The following PCDH15 variants were observed in gnomAD, a reference collection of about 807,000 sequenced individuals.
The protein encoded by PCDH15 is protocadherin-15.
Under a neutral mutation model 178.5 loss-of-function variants are expected in PCDH15, and 129 were observed. The ratio of observed to expected loss-of-function variants is 0.72; its 90% confidence interval spans 0.63 to 0.84. The LOEUF (loss-of-function observed/expected upper bound fraction) is 0.84, where lower values mean the gene tolerates loss of function less well. Among genes scored for constraint, PCDH15 ranks in the 40% least tolerant of loss-of-function variants. PCDH15 has a pLI of 0.00. For synonymous variants in PCDH15, 800 were observed against 732.0 expected, an observed-to-expected ratio of 1.09 and a Z score of -1.50; for missense variants, 2,230 against 2,099.9, an observed-to-expected ratio of 1.06 and a Z score of -1.21.
chr10:54,144,821 C>T (rs1196215523), intron 14 of PCDH15, among the ~76,000 whole-genome samples: 1 of 152,096 alleles, frequency 6.6e-6, no homozygotes, highest in African/African-American at 2.4e-5. Flanking sequence ...GATTTGCTGA[C>T]TGAATCAAGA....
At chr10:55,248,660 G>T (rs1195091143) in intron 1 of PCDH15, among the ~76,000 whole-genome samples, 1 of 152,070 alleles carries the variant, frequency 6.6e-6, no homozygotes, top group Non-Finnish European at 1.5e-5. Flanking sequence ...TAGTTCTAGT[G>T]ATTCTTGTGA....
chr10:54,731,409 A>G (rs1332036423), intron 1 of PCDH15, among the ~76,000 whole-genome samples: 2 of 150,326 alleles, frequency 1.3e-5, no homozygotes, highest in East Asian at 2.0e-4. Flanking sequence ...CATTTCCACT[A>G]TTAGGTATAC....
chr10:54,282,260 G>A (rs2058745530), intron 8 of PCDH15, among the ~76,000 whole-genome samples: 1 of 152,052 alleles, frequency 6.6e-6, no homozygotes, highest in Admixed American at 6.6e-5. Flanking sequence ...AACAATCACT[G>A]TTTTAGTAGG....
chr10:55,558,525 T>A (rs1842133996), intron 2 of PCDH15, among the ~76,000 whole-genome samples: 1 of 152,148 alleles, frequency 6.6e-6, no homozygotes, highest in East Asian at 1.9e-4. Flanking sequence ...AAAGTAATTC[T>A]CAGGGAATTG....
chr10:54,556,704 A>G (rs1231227961), intron 2 of PCDH15, among the ~76,000 whole-genome samples: 2 of 150,050 alleles, frequency 1.3e-5, no homozygotes, highest in African/African-American at 2.4e-5. Flanking sequence ...GTAAAGGAAT[A>G]AAGAATGGCC....
chr10:54,685,024 T>A (rs72794515), intron 1 of PCDH15, among the ~76,000 whole-genome samples: 1,835 of 151,988 alleles, frequency 0.012, 32 homozygotes, highest in Admixed American at 0.04. Flanking sequence ...CCTTTTTCTA[T>A]TTTAAAAATT....
At chr10:55,441,102 G>A (rs1033166697) in intron 2 of PCDH15, among the ~76,000 whole-genome samples, 5 of 152,128 alleles carry the variant, frequency 3.3e-5, no homozygotes, top group Non-Finnish European at 4.4e-5. Flanking sequence ...ATTACTCTAA[G>A]AATGTAATTC....
chr10:54,022,753 TA>T, intron 19 of PCDH15, 138 bp downstream of exon 19: 1 of 870,358 alleles, frequency 1.1e-6, no homozygotes, highest in Non-Finnish European at 1.8e-6. Context: ...GGAGAAATAA[TA>T]AAAATTTATT....
rs1177103406 is a variant in PCDH15, at chr10:53,806,474, T to C, written c.*105A>G. ...GCATATTGTTCAAAGTTTTAGCTTG[T>C]GTGCATGATATAAATTCCATACATT... On this transcript the variant is annotated 3_prime_UTR_variant, in exon 38 of 38. Coordinates refer to ENST00000644397, the MANE Select transcript of PCDH15 (RefSeq NM_001384140.1). The C allele has an allele frequency of 2.1e-6, 2 of 962,854 alleles. No individual in the cohort carries two copies. Among genetic ancestry groups the C allele is most frequent in the Non-Finnish European group, 3.0e-6 (2 of 661,274 alleles). The allele number at this position is 962,854 out of a possible 1,614,324, so 59.6% of individuals were successfully genotyped here. A position where few individuals can be genotyped will look rare whatever the true frequency, so the allele number is the denominator to read the frequency against.
intron 26 of PCDH15, among the ~76,000 whole-genome samples, chr10:53,884,700 C>G (rs558698127): frequency 6.6e-6 from 1 of 152,260 alleles, no homozygotes; most frequent in Non-Finnish European, 1.5e-5. Context: ...CTCTACACCT[C>G]TTTTTCAGGA....
intron 2 of PCDH15, among the ~76,000 whole-genome samples, chr10:55,474,343 A>T (rs548931979): frequency 2.0e-5 from 3 of 152,214 alleles, no homozygotes; most frequent in African/African-American, 7.2e-5. Context: ...TAACAAAAAA[A>T]CTTCATAAAT....
chr10:54,273,906 C>T (rs185010397), intron 8 of PCDH15, among the ~76,000 whole-genome samples: 80 of 152,044 alleles, frequency 5.3e-4, no homozygotes, highest in African/African-American at 1.7e-3. Context: ...CAGTGGTCTG[C>T]GGGATAAAGA....
chr10:54,250,146 A>C (rs1159750138), intron 8 of PCDH15, among the ~76,000 whole-genome samples: 1 of 151,152 alleles, frequency 6.6e-6, no homozygotes, highest in Non-Finnish European at 1.5e-5. Flanking sequence ...GAGCTCAAGC[A>C]AAAGGCCCAC....
At chr10:54,859,280 T>C (rs567336030) in intron 3 of PCDH15, among the ~76,000 whole-genome samples, 1 of 152,204 alleles carries the variant, frequency 6.6e-6, no homozygotes, top group Non-Finnish European at 1.5e-5. Flanking sequence ...TAACTAGTAA[T>C]AGTTCATTTC....
At chr10:54,527,741 G>T in intron 3 of PCDH15, 71 bp downstream of exon 3, 1 of 1,325,766 alleles carries the variant, frequency 7.5e-7, no homozygotes, top group Non-Finnish European at 1.1e-6. Context: ...TCTACTCATA[G>T]TAGATTGAGA....
Position 55,610,142 on chromosome 10 carries a change from A to C in PCDH15, c.-156+17483T>G, listed in dbSNP as rs1843335518. Among the ~76,000 whole-genome samples, 3 of 152,228 alleles carry C rather than the reference A, an allele frequency of 2.0e-5. No individual in the cohort carries two copies. In the South Asian group the frequency reaches 6.2e-4, roughly 32 times the overall value. On this transcript the variant is annotated intron_variant, in intron 2 of 5. Transcript: ENST00000613346. ...GCAGATTTCATGGCTGAGTACATCA[A>C]GAAGAAGTTGCAAACTCTAAAAGCT...
intron 21 of PCDH15, among the ~76,000 whole-genome samples, chr10:53,968,500 G>T (rs1460451312): frequency 1.3e-5 from 2 of 152,148 alleles, no homozygotes; most frequent in East Asian, 3.9e-4. Flanking sequence ...TTTGAAGAGA[G>T]TAGTGCTTCC....
At chr10:54,581,229 A>G (rs538764562) in intron 2 of PCDH15, among the ~76,000 whole-genome samples, 4 of 152,270 alleles carry the variant, frequency 2.6e-5, no homozygotes, top group African/African-American at 7.2e-5. Flanking sequence ...GAAATGGATA[A>G]ATGACTTCAG....
intron 8 of PCDH15, among the ~76,000 whole-genome samples, chr10:54,283,898 G>T (rs1038435591): frequency 6.6e-6 from 1 of 151,916 alleles, no homozygotes; most frequent in African/African-American, 2.4e-5. Flanking sequence ...ACCTGGGCTG[G>T]GATGCATTGG....
Sources: allele counts gnomAD v4.1 joint callset (sites outside exome capture counted in the v4.1 genomes callset), GRCh38; gene constraint gnomAD v4.1.1; transcripts MANE v1.5; gene names NCBI Gene and HGNC (gene_info 2026-07-23, HGNC 2026-07-21).